RASGEF1C: variants seen among roughly 807,000 people sequenced by gnomAD.
RASGEF1C encodes the protein RasGEF domain family member 1C, also known as ras-GEF domain-containing family member 1C.
A neutral mutation model predicts 58.1 loss-of-function variants in RASGEF1C; 27 were observed. The observed-to-expected ratio is 0.46, with a 90% CI of 0.34 to 0.64. The LOEUF (loss-of-function observed/expected upper bound fraction) is 0.64, where lower values mean the gene tolerates loss of function less well. Ranked by LOEUF, RASGEF1C falls within the 30% of genes least tolerant of loss-of-function variation. RASGEF1C has a pLI of 0.01. For missense variants in RASGEF1C, 502 were observed against 605.1 expected (o/e 0.83, Z 1.79); for synonymous variants, 243 against 246.3 (o/e 0.99, Z 0.13).
At chr5:180,103,267 T>A (rs6877634) in intron 12 of RASGEF1C, among the ~76,000 whole-genome samples, 75 of 151,862 alleles carry the variant, frequency 4.9e-4, no homozygotes, top group Admixed American at 4.3e-3. Context: ...TTAGTAGAGA[T>A]GGGGTTTCAC....
At chr5:180,105,704 C>T (rs1415807035) in intron 12 of RASGEF1C, among the ~76,000 whole-genome samples, 1 of 151,598 alleles carries the variant, frequency 6.6e-6, no homozygotes, top group African/African-American at 2.4e-5. Flanking sequence ...CCCGTCTCTA[C>T]TAAAAATACA....
At chr5:180,181,431 AGGGT>A (rs1767322812) in intron 1 of RASGEF1C, among the ~76,000 whole-genome samples, 1 of 152,226 alleles carries the variant, frequency 6.6e-6, no homozygotes, top group South Asian at 2.1e-4. Context: ...ATTTGGAAAT[AGGGT>A]CACTGCAAAT....
At chr5:180,204,616 C>CTATCTA (rs1756457550) in intron 1 of RASGEF1C, among the ~76,000 whole-genome samples, 3 of 149,224 alleles carry the variant, frequency 2.0e-5, no homozygotes, top group African/African-American at 7.4e-5. Flanking sequence ...ATGGATATTC[C>CTATCTA]TCTATCTATC....
intron 1 of RASGEF1C, among the ~76,000 whole-genome samples, chr5:180,185,245 C>T (rs941190631): frequency 2.0e-5 from 3 of 147,862 alleles, no homozygotes; most frequent in Admixed American, 6.9e-5. Context: ...TGAGCGAGAT[C>T]GCGCCACTGC....
Position 180,101,211 on chromosome 5 carries a change from G to A in RASGEF1C, c.*290C>T, listed in dbSNP as rs573287175. ...TCTGGGGCAGTGTTGTGTCCTTGCCGAGGATGGACAGACTGACCAGGCCCC... is the reference window on the plus strand; with the variant it reads ...TCTGGGGCAGTGTTGTGTCCTTGCCAAGGATGGACAGACTGACCAGGCCCC... On this transcript the variant is annotated 3_prime_UTR_variant, in exon 14 of 14. Transcript: ENST00000361132. The A allele has an allele frequency of 6.5e-5, 32 of 489,176 alleles. No homozygotes were observed. The highest frequency in any genetic ancestry group is 4.4e-4 in the East Asian group (14 of 31,540). The allele number at this position is 489,176 out of a possible 1,614,324, so 30.3% of individuals were successfully genotyped here.
intron 1 of RASGEF1C, among the ~76,000 whole-genome samples, chr5:180,149,455 G>C (rs529723873): frequency 6.8e-6 from 1 of 147,668 alleles, no homozygotes; most frequent in East Asian, 2.1e-4. Flanking sequence ...TTTTTGTTTT[G>C]TTTTGTTTTG....
In RASGEF1C at chr5:180,197,358, G is replaced by A. The variant is rs1393832997; in HGVS notation, c.-7+11670C>T. Among the ~76,000 whole-genome samples, 1 of 152,214 alleles carries A rather than the reference G, an allele frequency of 6.6e-6. No individual in the cohort carries two copies. Among genetic ancestry groups the A allele is most frequent in the East Asian group, 1.9e-4 (1 of 5,198 alleles). On this transcript the variant is annotated intron_variant, in intron 1 of 13. Transcript: ENST00000361132. The surrounding 1 kb of genome is among the most constrained non-coding windows in gnomAD (Gnocchi z 4.7). Reference sequence around the variant, plus strand: ...AGGGCAGTGGTGGCCTCTTGACAGTGGACCCAGGCTGGACAGAGAAGGCCT... The same window carrying A: ...AGGGCAGTGGTGGCCTCTTGACAGTAGACCCAGGCTGGACAGAGAAGGCCT...
chr5:180,195,375 C>T (rs1019511413), intron 1 of RASGEF1C, among the ~76,000 whole-genome samples: 2 of 152,126 alleles, frequency 1.3e-5, no homozygotes, highest in South Asian at 2.1e-4. Flanking sequence ...TATGAGACGA[C>T]GACACGGGAA....
At position 180,128,543 on chromosome 5, in the gene RASGEF1C, C is replaced by T. The variant is rs758263526; in HGVS notation, c.506G>A (p.Gly169Glu). ...GTCGGCACCCACCAGACCTTCTGGCCCCTGGCGCAGAGCCGCCAGCTTCTG... is the reference window on the plus strand; with the variant it reads ...GTCGGCACCCACCAGACCTTCTGGCTCCTGGCGCAGAGCCGCCAGCTTCTG... The part of the protein sequence containing the change: ...LHQKLAALRQ[G>E]PEGLVGADKP... The change falls in exon 5 of 14, where the codon GGG becomes GAG. Residue 169 changes from glycine to glutamate, a missense_variant. Physicochemically the swap from Gly to Glu is moderately conservative, Grantham distance 98. Coordinates refer to ENST00000361132, the MANE Select transcript of RASGEF1C (RefSeq NM_175062.4). 2 of 1,614,130 alleles carry T rather than the reference C, an allele frequency of 1.2e-6. No individual in the cohort carries two copies. The highest frequency in any genetic ancestry group is 2.2e-5 in the South Asian group (2 of 91,086).
chr5:180,111,369 A>G, intron 12 of RASGEF1C, 88 bp downstream of exon 12: 1 of 1,572,514 alleles, frequency 6.4e-7, no homozygotes, highest in Non-Finnish European at 8.7e-7. Flanking sequence ...TCCCTAACCT[A>G]CTCAGAGCAG....
intron 1 of RASGEF1C, among the ~76,000 whole-genome samples, chr5:180,202,274 T>A (rs980650788): frequency 6.6e-6 from 1 of 151,458 alleles, no homozygotes; most frequent in Admixed American, 6.6e-5. Flanking sequence ...GAAAAACAGA[T>A]CTAACACAAA....
At chr5:180,105,300 C>T (rs1026600458) in intron 12 of RASGEF1C, among the ~76,000 whole-genome samples, 24 of 152,172 alleles carry the variant, frequency 1.6e-4, no homozygotes, top group African/African-American at 4.3e-4. Context: ...CGGTGGCTCA[C>T]GCCTGTCATC....
chr5:180,136,366 C>G lies in RASGEF1C; in HGVS notation c.438+12G>C. On this transcript the variant is annotated intron_variant, in intron 4 of 13. Coordinates refer to ENST00000361132, the MANE Select transcript of RASGEF1C (RefSeq NM_175062.4). ...GGACCCAGGGTGACGCGACCCCCGC[C>G]CAGCTGCCCACCTCGTCACAGGGGG... 4 of 1,551,674 alleles carry G rather than the reference C, an allele frequency of 2.6e-6. No homozygotes were observed. In the South Asian group the frequency reaches 4.8e-5, roughly 18 times the overall value.
intron 1 of RASGEF1C, among the ~76,000 whole-genome samples, chr5:180,140,087 G>T (rs1244906314): frequency 6.6e-6 from 1 of 152,194 alleles, no homozygotes; most frequent in African/African-American, 2.4e-5. Context: ...GGGACCTGGG[G>T]CCTGGCCTGG....
intron 1 of RASGEF1C, among the ~76,000 whole-genome samples, chr5:180,152,587 T>G (rs370343169): frequency 7.5e-6 from 1 of 133,162 alleles, no homozygotes; most frequent in African/African-American, 2.8e-5. Flanking sequence ...GGGGGAGGGA[T>G]AGCATTAGGA....
chr5:180,114,590 G>A (rs750782173), intron 10 of RASGEF1C, 49 bp from the exon 11 acceptor site: 17 of 1,556,750 alleles, frequency 1.1e-5, no homozygotes, highest in African/African-American at 9.5e-5. Flanking sequence ...TCCACACAGC[G>A]GGCTCCAGGA....
chr5:180,157,743 A>G (rs957633517), intron 1 of RASGEF1C, among the ~76,000 whole-genome samples: 1 of 152,228 alleles, frequency 6.6e-6, no homozygotes, highest in Non-Finnish European at 1.5e-5. Flanking sequence ...GATTCCAACT[A>G]GATCACATTC....
At chr5:180,151,527 G>T (rs1766745075) in intron 1 of RASGEF1C, among the ~76,000 whole-genome samples, 1 of 152,144 alleles carries the variant, frequency 6.6e-6, no homozygotes, top group Non-Finnish European at 1.5e-5. Context: ...GTAGAAAGAT[G>T]AAACTGGATC....
intron 5 of RASGEF1C, among the ~76,000 whole-genome samples, 197 bp from the exon 6 acceptor site, chr5:180,127,880 C>T (rs1192086054): frequency 6.6e-6 from 1 of 152,216 alleles, no homozygotes; most frequent in Non-Finnish European, 1.5e-5. Context: ...GGCAGCCCCT[C>T]CTTTCCCGGT....
Sources: gnomAD v4.1 joint callset for allele counts (sites outside exome capture counted in the v4.1 genomes callset) on GRCh38, gnomAD v4.1.1 for gene constraint, Gnocchi (gnomAD v3.1) non-coding constraint, MANE v1.5 for transcripts, NCBI Gene and HGNC (gene_info 2026-07-23, HGNC 2026-07-21) for gene names.